The following FHAD1 variants were observed in gnomAD, a reference collection of about 807,000 sequenced individuals.
The protein encoded by FHAD1 is forkhead-associated domain-containing protein 1.
FHAD1 carries 146 observed loss-of-function variants against 191.3 expected under a neutral mutation model. That is an observed-to-expected ratio of 0.76 (90% CI 0.67 to 0.88). The LOEUF is 0.88. Among genes scored for constraint, FHAD1 ranks in the 40% least tolerant of loss-of-function variants. The pLI, the probability that FHAD1 is intolerant of heterozygous loss-of-function variation, is 0.00. For missense variants in FHAD1, 1,635 were observed against 1,785.8 expected, an observed-to-expected ratio of 0.92 and a Z score of 1.52; for synonymous variants, 616 against 672.3, an observed-to-expected ratio of 0.92 and a Z score of 1.29.
intron 4 of FHAD1, among the ~76,000 whole-genome samples, chr1:15,293,659 A>G (rs1389448969): frequency 2.6e-5 from 4 of 152,204 alleles, no homozygotes; most frequent in Non-Finnish European, 5.9e-5. Context: ...CAGAGGTTGC[A>G]GTGAGCTGAG....
At chr1:15,296,475 A>G (rs1667014006) in intron 4 of FHAD1, among the ~76,000 whole-genome samples, 1 of 152,066 alleles carries the variant, frequency 6.6e-6, no homozygotes, top group Non-Finnish European at 1.5e-5. Context: ...GGATGGTCTC[A>G]ATCTTCTGAC....
Position 15,325,189 on chromosome 1 carries a change from AC to A in FHAD1, c.1473+632del, listed in dbSNP as rs1677956772. ...AAAGCTAAGGGAAAGCAAACAGGAA[AC>A]CAAGATGGGAGGGCATATGACCCTG... On this transcript the variant is annotated intron_variant, in intron 11 of 33. Transcript: ENST00000688493. This position sits in a 1 kb window ranked among gnomAD's most constrained non-coding sequence, Gnocchi z 4.6. The A allele has an allele frequency of 6.5e-6, 1 of 153,314 alleles. No individual in the cohort carries two copies. Among genetic ancestry groups the A allele is most frequent in the African/African-American group, 2.4e-5 (1 of 41,540 alleles). The allele number at this position is 153,314 out of a possible 1,614,324, so 9.5% of individuals were successfully genotyped here.
In FHAD1 at chr1:15,365,503, T is replaced by G. The variant is rs114100157; in HGVS notation, c.3048-324T>G. Among the ~76,000 whole-genome samples the G allele has an allele frequency of 7.3e-3, 1,046 of 143,528 alleles. 16 individuals carry two copies. Among genetic ancestry groups the G allele is most frequent in the African/African-American group, 0.026 (952 of 37,214 alleles). The allele number at this position is 143,528 out of a possible 152,430, so 94.2% of individuals were successfully genotyped here. A position where few individuals can be genotyped will look rare whatever the true frequency, so the allele number is the denominator to read the frequency against. On this transcript the variant is annotated intron_variant, in intron 23 of 33. Coordinates refer to ENST00000688493, the MANE Select transcript of FHAD1 (RefSeq NM_001391957.1). ...CTAATTTTTTTTTTTTTTTTTTTTGTAGAGACGGGGTTCTGACTTATGTAG... is the reference window on the plus strand; with the variant it reads ...CTAATTTTTTTTTTTTTTTTTTTTGGAGAGACGGGGTTCTGACTTATGTAG...
chr1:15,387,710 C>T (rs552368453), intron 31 of FHAD1, among the ~76,000 whole-genome samples: 17 of 152,024 alleles, frequency 1.1e-4, no homozygotes, highest in Non-Finnish European at 2.1e-4. Flanking sequence ...ATGGCAAAAA[C>T]CCGTCTCTAC....
At chr1:15,328,457 T>C (rs1195009131) in intron 13 of FHAD1, 28 bp downstream of exon 13, 17 of 1,381,702 alleles carry the variant, frequency 1.2e-5, no homozygotes, top group Non-Finnish European at 1.6e-5. Flanking sequence ...TTTCCACAAA[T>C]GGTCTCTTTG....
intron 3 of FHAD1, among the ~76,000 whole-genome samples, chr1:15,288,083 A>G (rs1663139342): frequency 6.6e-6 from 1 of 152,110 alleles, no homozygotes; most frequent in Admixed American, 6.6e-5. Flanking sequence ...GGAAAGAGAG[A>G]GAGAGAGAAG....
chr1:15,336,064 A>G (rs1683925680), intron 14 of FHAD1, among the ~76,000 whole-genome samples: 1 of 152,122 alleles, frequency 6.6e-6, no homozygotes, highest in African/African-American at 2.4e-5. Context: ...GTATCCTTGC[A>G]ATGCACCTCT....
chr1:15,282,092 G>C (rs1419465270), intron 3 of FHAD1, among the ~76,000 whole-genome samples: 3 of 152,142 alleles, frequency 2.0e-5, no homozygotes, highest in Non-Finnish European at 4.4e-5. Flanking sequence ...CTCACTTTCT[G>C]CTGTTACAAG....
intron 33 of FHAD1, among the ~76,000 whole-genome samples, chr1:15,392,303 C>T (rs911556373): frequency 2.0e-5 from 3 of 152,106 alleles, no homozygotes; most frequent in South Asian, 4.1e-4. Context: ...GAGGCCAAGG[C>T]GGGCGGATCA....
intron 2 of FHAD1, among the ~76,000 whole-genome samples, chr1:15,267,036 G>T (rs563327923): frequency 6.6e-6 from 1 of 152,200 alleles, no homozygotes; most frequent in Admixed American, 6.5e-5. Flanking sequence ...CTATAAACAT[G>T]CATCCAAAAT....
intron 31 of FHAD1, among the ~76,000 whole-genome samples, chr1:15,385,820 C>G (rs1465709841): frequency 1.3e-5 from 2 of 152,192 alleles, no homozygotes; most frequent in African/African-American, 4.8e-5. Flanking sequence ...ATACCTCTGG[C>G]TGTGCAAATC....
chr1:15,362,395 G>A (rs1330898733), intron 22 of FHAD1, among the ~76,000 whole-genome samples: 7 of 152,170 alleles, frequency 4.6e-5, no homozygotes, highest in African/African-American at 1.4e-4. Flanking sequence ...CCATCACTCC[G>A]GTGCCCCTTT....
In FHAD1 at chr1:15,289,362, G is replaced by T. The variant is rs746115883; in HGVS notation, c.301-37G>T. On this transcript the variant is annotated intron_variant, in intron 3 of 33. Transcript: ENST00000688493. This position sits in a 1 kb window ranked among gnomAD's most constrained non-coding sequence, Gnocchi z 4.2. ...CAAAGAAATGGAGACCATCCCAGCC[G>T]GTCATAACCTCCCCTGACCCTTGTC... 5 of 1,537,760 alleles carry T rather than the reference G, an allele frequency of 3.3e-6. No individual in the cohort carries two copies. The South Asian group carries it at 3.6e-5, about 11-fold the overall frequency.
chr1:15,293,582 G>A (rs1056541769), intron 4 of FHAD1, among the ~76,000 whole-genome samples: 4 of 152,228 alleles, frequency 2.6e-5, no homozygotes, highest in South Asian at 2.1e-4. Context: ...GCTGGGTGTG[G>A]TGGCACGCAC....
At chr1:15,307,362 G>A (rs1459253129) in intron 6 of FHAD1, among the ~76,000 whole-genome samples, 1 of 152,136 alleles carries the variant, frequency 6.6e-6, no homozygotes, top group Non-Finnish European at 1.5e-5. Context: ...TTGACTTTTG[G>A]GTTAATGCTG....
At chr1:15,328,031 C>T (rs1202899893) in intron 12 of FHAD1, 4 of 199,688 alleles carry the variant, frequency 2.0e-5, no homozygotes, top group Non-Finnish European at 1.9e-5. Context: ...GAAACTCCGT[C>T]GCAAAAAAAA....
intron 3 of FHAD1, among the ~76,000 whole-genome samples, chr1:15,275,569 A>G (rs1424523675): frequency 6.6e-6 from 1 of 152,182 alleles, no homozygotes; most frequent in African/African-American, 2.4e-5. Flanking sequence ...CCTCTTAGTG[A>G]CAAAGGGTCC....
At chr1:15,352,159 G>T (rs536770751) in intron 19 of FHAD1, among the ~76,000 whole-genome samples, 56 of 152,168 alleles carry the variant, frequency 3.7e-4, no homozygotes, top group African/African-American at 1.3e-3. Flanking sequence ...TACCCCTCTG[G>T]TCTTTTGTTG....
chr1:15,279,453 C>T (rs1274455568), intron 3 of FHAD1, among the ~76,000 whole-genome samples: 4 of 76,436 alleles, frequency 5.2e-5, no homozygotes, highest in East Asian at 1.1e-3. Flanking sequence ...TTACCTCTCT[C>T]GGCTTTGGAG....
Sources: allele counts gnomAD v4.1 joint callset (sites outside exome capture counted in the v4.1 genomes callset), GRCh38; gene constraint gnomAD v4.1.1; non-coding constraint Gnocchi (gnomAD v3.1); transcripts MANE v1.5; gene names NCBI Gene and HGNC (gene_info 2026-07-23, HGNC 2026-07-21).